Variants in EGFLAM observed in about 807,000 individuals in gnomAD.
The protein encoded by EGFLAM is pikachurin.
Under a neutral mutation model 113.1 loss-of-function variants are expected in EGFLAM, and 79 were observed. The ratio of observed to expected loss-of-function variants is 0.70; its 90% CI spans 0.58 to 0.84. The LOEUF (loss-of-function observed/expected upper bound fraction) is 0.84. EGFLAM is among the 40% of genes least tolerant of loss of function. The pLI, the probability that EGFLAM is intolerant of heterozygous loss-of-function variation, is 0.00. For missense variants in EGFLAM, 1,265 were observed against 1,291.6 expected (o/e 0.98, Z 0.32); for synonymous variants, 504 against 487.6 (o/e 1.03, Z -0.44).
chr5:38,277,910 A>G (rs1757924479), intron 1 of EGFLAM, among the ~76,000 whole-genome samples: 1 of 152,214 alleles, frequency 6.6e-6, no homozygotes, highest in Admixed American at 6.5e-5. Context: ...AAATGGAAAG[A>G]TATCCAATAT....
chr5:38,259,100 C>T lies in EGFLAM; in HGVS notation c.97+249C>T, dbSNP rs368191940. 2.0e-5 allele frequency among the ~76,000 whole-genome samples: 3 copies of T among 152,318 alleles called. No homozygotes were observed. In the South Asian group the frequency reaches 6.2e-4, roughly 32 times the overall value. On this transcript the variant is annotated intron_variant, in intron 1 of 21. Coordinates refer to ENST00000322350, the MANE Select transcript of EGFLAM (RefSeq NM_152403.4). ...GACATAGTAGATAGAGGTGGTGGTC[C>T]CCGTGTTTGACCGCAGAGAGCTGAC... is the stretch of plus-strand genomic sequence containing the variant.
rs944791811 is a variant in EGFLAM, at chr5:38,341,317, G to A, written c.291+2536G>A. Among the ~76,000 whole-genome samples the A allele has an allele frequency of 1.2e-4, 19 of 152,326 alleles. No individual in the cohort carries two copies. The East Asian group carries it at 2.1e-3, about 17-fold the overall frequency. ...GCCTCAGGAGACGTACAACCATGGC[G>A]GAAGGCACCTCTTCACAGGGCAGCA... On this transcript the variant is annotated intron_variant, in intron 3 of 21. Coordinates refer to ENST00000322350, the MANE Select transcript of EGFLAM (RefSeq NM_152403.4).
chr5:38,375,892 A>G (rs551905023), intron 6 of EGFLAM, among the ~76,000 whole-genome samples: 1 of 152,318 alleles, frequency 6.6e-6, no homozygotes, highest in South Asian at 2.1e-4. Flanking sequence ...CTCTAATGAG[A>G]GCTAGGATCA....
Position 38,407,164 on chromosome 5 carries a change from A to G in EGFLAM, c.1147+18A>G. The G allele has an allele frequency of 6.3e-7, 1 of 1,576,250 alleles. No individual in the cohort carries two copies. Among genetic ancestry groups the G allele is most frequent in the Non-Finnish European group, 8.5e-7 (1 of 1,171,782 alleles). ...CTCAGAAGGTAGGCCCTTGGGGGAG[A>G]GGAAGAAGTGGTGATGAATTGGCAC... On this transcript the variant is annotated intron_variant, in intron 8 of 21. Coordinates refer to ENST00000322350, the MANE Select transcript of EGFLAM (RefSeq NM_152403.4).
At chr5:38,343,406 CAAAAA>C (rs61453202) in intron 3 of EGFLAM, among the ~76,000 whole-genome samples, 5,224 of 130,844 alleles carry the variant, frequency 0.04, 137 homozygotes, top group East Asian at 0.068. Context: ...AACTCCATCT[CAAAAA>C]AAAAAAAAAA....
chr5:38,258,771 G>A lies in EGFLAM; in HGVS notation c.17G>A (p.Gly6Asp), dbSNP rs753608177. The A allele has an allele frequency of 1.2e-6, 2 of 1,611,420 alleles. No homozygotes were observed. The highest frequency in any genetic ancestry group is 1.1e-5 in the South Asian group (1 of 90,762). Residue 6 changes from glycine (G) to aspartate (D), a missense_variant, in exon 1 of 22, where the codon GGC becomes GAC. Transcript: ENST00000322350. MDLIR[G>D]VLLRLLLLAS... ...GGCTGCGAAATGGATTTAATCCGAG[G>A]CGTCTTGCTCCGGCTCCTGCTCCTG...
At chr5:38,397,553 A>AGGG (rs1200954416) in intron 6 of EGFLAM, among the ~76,000 whole-genome samples, 2 of 152,136 alleles carry the variant, frequency 1.3e-5, no homozygotes, top group African/African-American at 4.8e-5. Flanking sequence ...TCAACTTCCC[A>AGGG]AAGTGCTGGG....
intron 20 of EGFLAM, among the ~76,000 whole-genome samples, chr5:38,459,028 C>T (rs552576469): frequency 3.1e-4 from 47 of 152,052 alleles, no homozygotes; most frequent in African/African-American, 1.1e-3. Context: ...CCCCCTCCCT[C>T]TGGCTTTTTT....
chr5:38,385,270 T>TCCC (rs1218977395), intron 6 of EGFLAM, among the ~76,000 whole-genome samples: 17 of 30,780 alleles, frequency 5.5e-4, no homozygotes, highest in African/African-American at 1.4e-3. Context: ...AAGGACTGTT[T>TCCC]CCCACCCACC....
At chr5:38,280,166 T>C (rs1757978673) in intron 1 of EGFLAM, among the ~76,000 whole-genome samples, 1 of 152,230 alleles carries the variant, frequency 6.6e-6, no homozygotes, top group African/African-American at 2.4e-5. Flanking sequence ...CTTGAATATT[T>C]TTATAATAAA....
chr5:38,258,925 G>C (rs1057357619), intron 1 of EGFLAM, 74 bp downstream of exon 1: 12 of 1,469,472 alleles, frequency 8.2e-6, no homozygotes, highest in Non-Finnish European at 1.0e-5. Flanking sequence ...GACACAGAGC[G>C]GGCAGCGCAC....
chr5:38,304,017 T>G (rs2111836162), intron 1 of EGFLAM, among the ~76,000 whole-genome samples: 1 of 151,732 alleles, frequency 6.6e-6, no homozygotes, highest in East Asian at 1.9e-4. Context: ...TAATCCCAGC[T>G]ACTCAGGAGG....
In EGFLAM at chr5:38,258,579, C is replaced by T. The variant is rs1214498387; in HGVS notation, c.-176C>T. 1 of 669,594 alleles carries T rather than the reference C, an allele frequency of 1.5e-6. No homozygotes were observed. Among genetic ancestry groups the T allele is most frequent in the Admixed American group, 2.9e-5 (1 of 34,908 alleles). The allele number at this position is 669,594 out of a possible 1,614,324, so 41.5% of individuals were successfully genotyped here. On this transcript the variant is annotated 5_prime_UTR_variant, in exon 1 of 22. Coordinates refer to ENST00000322350, the MANE Select transcript of EGFLAM (RefSeq NM_152403.4). Reference sequence around the variant, plus strand: ...GCTTCACTCGCGCACGCCGACCTCCCGGCTGCAGTCCTACCTCTTGGAACT... The same window carrying T: ...GCTTCACTCGCGCACGCCGACCTCCTGGCTGCAGTCCTACCTCTTGGAACT...
intron 1 of EGFLAM, among the ~76,000 whole-genome samples, chr5:38,291,427 A>C (rs946089356): frequency 3.3e-5 from 5 of 151,880 alleles, no homozygotes; most frequent in African/African-American, 1.2e-4. Flanking sequence ...TACTCACCCA[A>C]CCTCTGGCAT....
At chr5:38,322,806 G>C (rs993855889) in intron 1 of EGFLAM, among the ~76,000 whole-genome samples, 7 of 152,272 alleles carry the variant, frequency 4.6e-5, no homozygotes, top group Admixed American at 2.0e-4. Flanking sequence ...TAGGGTAACT[G>C]CTCCACAGAG....
In EGFLAM at chr5:38,350,545, G is replaced by T; in HGVS notation, c.336G>T (p.Val112=). ...TGAAACCAGGCACTGAATATCGTGTGAGCATAGCAGCTTACAGCCAGGCTG... is the reference window on the plus strand; with the variant it reads ...TGAAACCAGGCACTGAATATCGTGTTAGCATAGCAGCTTACAGCCAGGCTG... The part of the protein sequence containing the change: ...GDLKPGTEYR[V]SIAAYSQAGK... Residue 112 remains valine, a synonymous_variant, in exon 4 of 22, where the codon GTG becomes GTT. Transcript: ENST00000322350. The T allele has an allele frequency of 6.2e-7, 1 of 1,614,080 alleles. No individual in the cohort carries two copies.
At chr5:38,338,578 A>G (rs1739252588) in intron 2 of EGFLAM, 120 bp from the exon 3 acceptor site, 8 of 854,840 alleles carry the variant, frequency 9.4e-6, no homozygotes, top group African/African-American at 1.7e-5. Flanking sequence ...CCGCAGAACT[A>G]GTGCACGTGA....
chr5:38,365,863 A>T (rs951084855), intron 5 of EGFLAM, among the ~76,000 whole-genome samples: 1 of 152,142 alleles, frequency 6.6e-6, no homozygotes, highest in African/African-American at 2.4e-5. Flanking sequence ...CCTGATCAGG[A>T]AGTCACTTGT....
intron 19 of EGFLAM, among the ~76,000 whole-genome samples, chr5:38,454,149 C>G (rs1269352348): frequency 6.6e-6 from 1 of 152,192 alleles, no homozygotes; most frequent in African/African-American, 2.4e-5. Flanking sequence ...TGTTATCCCA[C>G]CACATCAATG....
Sources: allele counts gnomAD v4.1 joint callset (sites outside exome capture counted in the v4.1 genomes callset), GRCh38; gene constraint gnomAD v4.1.1; transcripts MANE v1.5; gene names NCBI Gene and HGNC (gene_info 2026-07-23, HGNC 2026-07-21).